Variants in FMO2 observed in about 807,000 individuals in gnomAD.
The protein encoded by FMO2 is flavin-containing monooxygenase 2.
In FMO2, 33 loss-of-function variants were observed where a neutral mutation model predicts 41.6. That is an observed-to-expected ratio of 0.79 (90% CI 0.60 to 1.06). The LOEUF (loss-of-function observed/expected upper bound fraction) is 1.06. FMO2 is among the 50% of genes least tolerant of loss of function. FMO2 has a pLI of 0.00. For synonymous variants in FMO2, 214 were observed against 219.6 expected (o/e 0.97, Z 0.23); for missense variants, 619 against 632.9 (o/e 0.98, Z 0.23).
At position 171,207,697 on chromosome 1, in the gene FMO2, A is replaced by T. The variant is rs764302661; in HGVS notation, c.1184-21A>T. On this transcript the variant is annotated intron_variant, in intron 7 of 8. Transcript: ENST00000209929. Reference sequence around the variant, plus strand: ...GATATTGACTCAAACTTACTATTCAAACCAACCTTTTATTCCTTAGGCTTG... The same window carrying T: ...GATATTGACTCAAACTTACTATTCATACCAACCTTTTATTCCTTAGGCTTG... 3.2e-6 allele frequency: 5 copies of T among 1,553,564 alleles called. No individual in the cohort carries two copies. The South Asian group carries it at 5.7e-5, about 18-fold the overall frequency.
Position 171,185,808 on chromosome 1 carries a change from A to G in FMO2, c.95A>G (p.Glu32Gly), listed in dbSNP as rs747869660. Reference sequence around the variant, plus strand: ...GAGGGACTTGAGCCCACTTGCTTTGAGAGAACTGAAGATATTGGAGGAGTG... The same window carrying G: ...GAGGGACTTGAGCCCACTTGCTTTGGGAGAACTGAAGATATTGGAGGAGTG... ...VDEGLEPTCF[E>G]RTEDIGGVWR... The change falls in exon 2 of 9, where the codon GAG (glutamate) becomes GGG (glycine). Residue 32 changes from glutamate to glycine, a missense_variant. Physicochemically the swap from Glu to Gly is moderately conservative, Grantham distance 98 (BLOSUM62 -2). Coordinates refer to ENST00000209929, the MANE Select transcript of FMO2 (RefSeq NM_001460.5). The G allele has an allele frequency of 6.2e-7, 1 of 1,613,844 alleles. No individual in the cohort carries two copies. The highest frequency in any genetic ancestry group is 1.1e-5 in the South Asian group (1 of 91,062).
chr1:171,209,309 A>C lies in FMO2; in HGVS notation c.*164A>C, dbSNP rs1658887133. 2.5e-6 allele frequency: 1 copy of C among 395,590 alleles called. No homozygotes were observed. The highest frequency in any genetic ancestry group is 4.4e-6 in the Non-Finnish European group (1 of 224,868). 24.5% of individuals were successfully genotyped at this position (395,590 alleles called of 1,614,324 possible). On this transcript the variant is annotated 3_prime_UTR_variant, in exon 9 of 9. Coordinates refer to ENST00000209929, the MANE Select transcript of FMO2 (RefSeq NM_001460.5). ...GTAAAGAATTAGCAGAATTAGGCAT[A>C]TGTACAAAACCAAAATTTTGTCATG...
chr1:171,192,211 T>C (rs552350381), intron 2 of FMO2, among the ~76,000 whole-genome samples: 1 of 152,302 alleles, frequency 6.6e-6, no homozygotes, highest in South Asian at 2.1e-4. Flanking sequence ...TATTATGCAA[T>C]TTGAAGCCAC....
chr1:171,190,267 A>G lies in FMO2; in HGVS notation c.133-3068A>G, dbSNP rs188818544. 6.7e-4 allele frequency among the ~76,000 whole-genome samples: 102 copies of G among 152,338 alleles called. 1 individual carries two copies. Among genetic ancestry groups the G allele is most frequent in the African/African-American group, 2.4e-3 (101 of 41,576 alleles). On this transcript the variant is annotated intron_variant, in intron 2 of 8. Transcript: ENST00000209929. The stretch of plus-strand genomic sequence containing the variant: ...TTCAGCTCGTGATCAAAAGATCATA[A>G]ATTCTAAATAAGTGCTATCTGAATT...
intron 8 of FMO2, among the ~76,000 whole-genome samples, chr1:171,208,157 G>A (rs1658841418): frequency 2.0e-5 from 3 of 152,152 alleles, no homozygotes; most frequent in Non-Finnish European, 2.9e-5. Context: ...GGTGGTGATA[G>A]TAGCTTGAAT....
chr1:171,196,930 G>A (rs1658334083), intron 4 of FMO2, 119 bp downstream of exon 4: 2 of 807,474 alleles, frequency 2.5e-6, no homozygotes, highest in Non-Finnish European at 4.0e-6. Context: ...CAATAAGATT[G>A]AGACAGAGCT....
Position 171,203,978 on chromosome 1 carries a change from G to A in FMO2, c.741G>A (p.Leu247=), listed in dbSNP as rs1474565091. 4 of 1,613,750 alleles carry A rather than the reference G, an allele frequency of 2.5e-6. No individual in the cohort carries two copies. The South Asian group carries it at 4.4e-5, about 18-fold the overall frequency. The stretch of plus-strand genomic sequence containing the variant: ...TTCGTTCTATGCTCCGCAATGTACT[G>A]CCACGAACAGCTGTAAAATGGATGA... ...TRFRSMLRNV[L]PRTAVKWMIE... is the part of the protein sequence containing the mutation. The change falls in exon 6 of 9, where the codon CTG becomes CTA. Residue 247 remains leucine, a synonymous_variant. Transcript: ENST00000209929.
chr1:171,209,326 T>C lies in FMO2; in HGVS notation c.*181T>C. On this transcript the variant is annotated 3_prime_UTR_variant, in exon 9 of 9. Transcript: ENST00000209929. ...TTAGGCATATGTACAAAACCAAAAT[T>C]TTGTCATGAAATTTTGCCTTTCCAC... 2.6e-6 allele frequency: 1 copy of C among 391,146 alleles called. No individual in the cohort carries two copies. Among genetic ancestry groups the C allele is most frequent in the Non-Finnish European group, 4.5e-6 (1 of 222,160 alleles). 24.2% of individuals were successfully genotyped at this position (391,146 alleles called of 1,614,324 possible).
chr1:171,192,994 T>C (rs1248871412), intron 2 of FMO2, among the ~76,000 whole-genome samples: 1 of 152,094 alleles, frequency 6.6e-6, no homozygotes, highest in Non-Finnish European at 1.5e-5. Context: ...CCAAGGGGAA[T>C]TTAGGAAGTA....
At chr1:171,193,802 C>G (rs1429619861) in intron 3 of FMO2, among the ~76,000 whole-genome samples, 1 of 146,532 alleles carries the variant, frequency 6.8e-6, no homozygotes, top group Non-Finnish European at 1.5e-5. Flanking sequence ...CTCCCTGAGA[C>G]AGAGTCTCAC....
rs1231299587 is a variant in FMO2, at chr1:171,203,922, T to A, written c.685T>A (p.Tyr229Asn). ...WVMSRISEDG[Y>N]PWDSVFHTRF... ...CATGAGCCGTATCTCTGAAGATGGC[T>A]ATCCTTGGGACTCAGTGTTCCACAC... The change falls in exon 6 of 9, where the codon TAT becomes AAT. Residue 229 changes from tyrosine (Y) to asparagine (N), a missense_variant. Physicochemically the swap from Tyr to Asn is moderately radical, Grantham distance 143. Coordinates refer to ENST00000209929, the MANE Select transcript of FMO2 (RefSeq NM_001460.5). 3 of 1,613,636 alleles carry A rather than the reference T, an allele frequency of 1.9e-6. No individual in the cohort carries two copies. The highest frequency in any genetic ancestry group is 2.7e-5 in the African/African-American group (2 of 74,912).
intron 6 of FMO2, 91 bp downstream of exon 6, chr1:171,204,155 A>G (rs1658658196): frequency 2.3e-6 from 2 of 883,298 alleles, no homozygotes; most frequent in Admixed American, 1.9e-5. Context: ...AATTGCTAAC[A>G]CGGTAGTTAA....
At chr1:171,189,336 T>C (rs922151767) in intron 2 of FMO2, among the ~76,000 whole-genome samples, 4 of 151,764 alleles carry the variant, frequency 2.6e-5, no homozygotes, top group African/African-American at 9.7e-5. Flanking sequence ...CTTGGTTTTC[T>C]TCCTCTAAGT....
intron 5 of FMO2, 80 bp downstream of exon 5, chr1:171,199,568 G>T (rs576579541): frequency 1.4e-6 from 2 of 1,384,572 alleles, no homozygotes; most frequent in East Asian, 4.9e-5. Flanking sequence ...CCATATAATC[G>T]CGGCTCCAAT....
Position 171,196,666 on chromosome 1 carries a change from G to A in FMO2, c.339G>A (p.Val113=), listed in dbSNP as rs1262758620. ...TCTTCAAGACAACTGTCCTTAGTGT[G>A]AGAAAATGTCCAGATTTCTCATCCT... ...YIQFQTTVLS[V]RKCPDFSSSG... is the part of the protein sequence containing the mutation. Residue 113 remains valine, a synonymous_variant, in exon 4 of 9, where the codon GTG becomes GTA. Transcript: ENST00000209929. The A allele has an allele frequency of 1.2e-6, 2 of 1,613,100 alleles. No individual in the cohort carries two copies. The highest frequency in any genetic ancestry group is 1.7e-6 in the Non-Finnish European group (2 of 1,179,854).
rs1049338012 is a variant in FMO2 at position 171,212,237 on chromosome 1, G to T, written c.*3092G>T. Among the ~76,000 whole-genome samples the T allele has an allele frequency of 1.3e-5, 2 of 152,074 alleles. No individual in the cohort carries two copies. Among genetic ancestry groups the T allele is most frequent in the African/African-American group, 4.8e-5 (2 of 41,390 alleles). Reference sequence around the variant, plus strand: ...ATCCCATTATCTCAGGAGTGTGTTGGTTATAAAAGCAAGTTTGGCTCCCTC... The same window carrying T: ...ATCCCATTATCTCAGGAGTGTGTTGTTTATAAAAGCAAGTTTGGCTCCCTC... On this transcript the variant is annotated 3_prime_UTR_variant, in exon 9 of 9. Transcript: ENST00000209929.
chr1:171,186,914 G>T (rs542037181), intron 2 of FMO2, among the ~76,000 whole-genome samples: 2 of 152,328 alleles, frequency 1.3e-5, no homozygotes, highest in South Asian at 4.1e-4. Context: ...TAACAGGAAA[G>T]TGTGATTATC....
intron 4 of FMO2, 89 bp downstream of exon 4, chr1:171,196,900 C>A: frequency 8.5e-7 from 1 of 1,171,100 alleles, no homozygotes; most frequent in Non-Finnish European, 1.2e-6. Flanking sequence ...TTCATTGCTG[C>A]AACTGGGCAG....
chr1:171,199,163 G>C (rs2205723), intron 4 of FMO2, 183 bp from the exon 5 acceptor site: 212,323 of 471,192 alleles, frequency 0.45, 50,885 homozygotes, highest in African/African-American at 0.68. Context: ...CCTCCCAAAG[G>C]GCTGGGATTA....
Sources: gnomAD v4.1 joint callset for allele counts (sites outside exome capture counted in the v4.1 genomes callset) on GRCh38, gnomAD v4.1.1 for gene constraint, MANE v1.5 for transcripts, NCBI Gene and HGNC (gene_info 2026-07-23, HGNC 2026-07-21) for gene names.